CD58: variants seen among roughly 807,000 people sequenced by gnomAD.
The protein encoded by CD58 is lymphocyte function-associated antigen 3.
CD58 carries 14 observed loss-of-function variants against 27.6 expected under a neutral mutation model. The ratio of observed to expected loss-of-function variants is 0.51; its 90% CI spans 0.34 to 0.79. The LOEUF is 0.79. Ranked by LOEUF, CD58 falls within the 30% of genes least tolerant of loss-of-function variation. The probability of loss-of-function intolerance (pLI) is 0.02; values close to 1 mark genes in which losing one functional copy is unlikely to be tolerated. For synonymous variants in CD58, 117 were observed against 103.8 expected (o/e 1.13, Z -0.77); for missense variants, 268 against 301.7 (o/e 0.89, Z 0.83).
chr1:116,540,450 ACT>A (rs913065376), intron 2 of CD58, among the ~76,000 whole-genome samples: 8 of 152,040 alleles, frequency 5.3e-5, no homozygotes, highest in African/African-American at 1.9e-4. Flanking sequence ...CATCTTGCAG[ACT>A]CTTTCTTGGA....
chr1:116,565,147 T>C (rs985456515), intron 1 of CD58, among the ~76,000 whole-genome samples: 1 of 152,238 alleles, frequency 6.6e-6, no homozygotes, highest in Non-Finnish European at 1.5e-5. Context: ...GCCAGAATAA[T>C]TCTTTTAAAC....
Position 116,524,644 on chromosome 1 carries a change from A to G in CD58, c.629-2661T>C, listed in dbSNP as rs1457916008. Among the ~76,000 whole-genome samples, 2 of 152,254 alleles carry G rather than the reference A, an allele frequency of 1.3e-5. No homozygotes were observed. Among genetic ancestry groups the G allele is most frequent in the Non-Finnish European group, 2.9e-5 (2 of 68,044 alleles). On this transcript the variant is annotated intron_variant, in intron 3 of 5. Coordinates refer to ENST00000369489, the MANE Select transcript of CD58 (RefSeq NM_001779.3). The surrounding 1 kb of genome is among the most constrained non-coding windows in gnomAD (Gnocchi z 4.6). ...CCTTTCTTTCATGCCAAACATCCCA[A>G]TATTCAATAACAACAATATAAATAT...
chr1:116,536,113 A>T lies in CD58; in HGVS notation c.480T>A (p.Asp160Glu). ...TACGTTTACATTGCTCCATAGGACA[A>T]TCCCATGAGTACATTATAAGTCCTC... ...SHRGLIMYSW[D>E]CPMEQCKRNS... is the part of the protein sequence containing the mutation. Residue 160 changes from aspartate to glutamate, a missense_variant, in exon 3 of 6, where the codon GAT (aspartate) becomes GAA (glutamate). Coordinates refer to ENST00000369489, the MANE Select transcript of CD58 (RefSeq NM_001779.3). This position sits in a 1 kb window ranked among gnomAD's most constrained non-coding sequence, Gnocchi z 5.4. 6.2e-7 allele frequency: 1 copy of T among 1,613,882 alleles called. No homozygotes were observed. The highest frequency in any genetic ancestry group is 1.7e-5 in the Admixed American group (1 of 60,016).
intron 3 of CD58, among the ~76,000 whole-genome samples, chr1:116,525,578 A>G (rs1466926714): frequency 1.3e-5 from 2 of 152,218 alleles, no homozygotes; most frequent in Non-Finnish European, 2.9e-5. Flanking sequence ...GTTGAATGGT[A>G]AGAGTACATA....
Position 116,514,916 on chromosome 1 carries a change from A to G in CD58, c.744-94T>C, listed in dbSNP as rs370145317. 2.1e-4 allele frequency: 183 copies of G among 851,350 alleles called. 1 individual carries two copies. The highest frequency in any genetic ancestry group is 5.9e-4 in the South Asian group (39 of 65,846). 52.7% of individuals were successfully genotyped at this position (851,350 alleles called of 1,614,324 possible). ...ATTACCCTCCTATTCTAAAGTGAAT[A>G]GCCCTTTTGTAATAAACTCATCAAA... On this transcript the variant is annotated intron_variant, in intron 5 of 5. Transcript: ENST00000369489.
At chr1:116,565,472 C>T (rs1464628380) in intron 1 of CD58, among the ~76,000 whole-genome samples, 2 of 152,122 alleles carry the variant, frequency 1.3e-5, no homozygotes, top group Admixed American at 6.5e-5. Context: ...CCCTCCCTGA[C>T]CACACTATGT....
At position 116,570,755 on chromosome 1, in the gene CD58, C is replaced by T. The variant is rs978578008; in HGVS notation, c.70+148G>A. 1 of 590,858 alleles carries T rather than the reference C, an allele frequency of 1.7e-6. No homozygotes were observed. The highest frequency in any genetic ancestry group is 3.3e-5 in the Admixed American group (1 of 30,378). The allele number at this position is 590,858 out of a possible 1,614,324, so 36.6% of individuals were successfully genotyped here. Reference sequence around the variant, plus strand: ...ACAACTTTCTCTTCCTGAAAAGGCTCCCACGGCTGAGTTGTTCCCGGCCCA... The same window carrying T: ...ACAACTTTCTCTTCCTGAAAAGGCTTCCACGGCTGAGTTGTTCCCGGCCCA... On this transcript the variant is annotated intron_variant, in intron 1 of 5. Coordinates refer to ENST00000369489, the MANE Select transcript of CD58 (RefSeq NM_001779.3). This position sits in a 1 kb window ranked among gnomAD's most constrained non-coding sequence, Gnocchi z 6.4.
chr1:116,514,883 G>C, intron 5 of CD58, 61 bp from the exon 6 acceptor site: 2 of 1,207,112 alleles, frequency 1.7e-6, no homozygotes, highest in African/African-American at 1.5e-5. Flanking sequence ...TGCAGACCAG[G>C]AGTCTTAATT....
rs148153515 is a variant in CD58, at chr1:116,565,877, T to C, written c.70+5026A>G. ...CTGGAATTACAGGCGTGTGCCACCA[T>C]GCCCAGCTAATTTTTTGTTTTAGTA... On this transcript the variant is annotated intron_variant, in intron 1 of 5. Transcript: ENST00000369489. Among the ~76,000 whole-genome samples, 1,046 of 152,152 alleles carry C rather than the reference T, an allele frequency of 6.9e-3. 27 individuals are homozygous for C. The highest frequency in any genetic ancestry group is 0.051 in the Admixed American group (785 of 15,290).
intron 3 of CD58, among the ~76,000 whole-genome samples, chr1:116,535,624 G>A (rs1388165708): frequency 1.0e-5 from 1 of 98,580 alleles, no homozygotes; most frequent in Admixed American, 1.2e-4. Flanking sequence ...GGCGGATCAC[G>A]AGGTCAGGAG....
Position 116,538,071 on chromosome 1 carries a change from C to A in CD58, c.365-1843G>T, listed in dbSNP as rs543337450. Among the ~76,000 whole-genome samples the A allele has an allele frequency of 6.6e-6, 1 of 152,352 alleles. No individual in the cohort carries two copies. The highest frequency in any genetic ancestry group is 1.9e-4 in the East Asian group (1 of 5,186). On this transcript the variant is annotated intron_variant, in intron 2 of 5. Transcript: ENST00000369489. This position sits in a 1 kb window ranked among gnomAD's most constrained non-coding sequence, Gnocchi z 4.7. ...TCGCTCAGTTAAATAAAGTACCCAG[C>A]CTGCCTTGGTAGAAACCAGAGTCAC...
intron 2 of CD58, among the ~76,000 whole-genome samples, chr1:116,543,748 C>T (rs1421701476): frequency 1.3e-5 from 2 of 152,018 alleles, no homozygotes; most frequent in Non-Finnish European, 2.9e-5. Flanking sequence ...CACAGTGAAA[C>T]ACCATCTCTA....
intron 2 of CD58, among the ~76,000 whole-genome samples, chr1:116,539,792 G>A (rs1182658250): frequency 3.9e-5 from 6 of 152,206 alleles, no homozygotes; most frequent in East Asian, 1.9e-4. Context: ...CTTGCTGCCC[G>A]TGGGACTTAC....
chr1:116,547,070 T>TG, intron 1 of CD58, among the ~76,000 whole-genome samples: 1 of 151,802 alleles, frequency 6.6e-6, no homozygotes, highest in South Asian at 2.1e-4. Context: ...GGATAAGTTT[T>TG]TTTTTTTTTT....
chr1:116,564,466 T>C (rs1222995161), intron 1 of CD58, among the ~76,000 whole-genome samples: 1 of 152,172 alleles, frequency 6.6e-6, no homozygotes, highest in Non-Finnish European at 1.5e-5. Context: ...TCCATTCTCA[T>C]GCTGCTAATA....
Position 116,536,524 on chromosome 1 carries a change from G to A in CD58, c.365-296C>T, listed in dbSNP as rs1657814214. Among the ~76,000 whole-genome samples, 1 of 152,130 alleles carries A rather than the reference G, an allele frequency of 6.6e-6. No homozygotes were observed. The highest frequency in any genetic ancestry group is 6.5e-5 in the Admixed American group (1 of 15,286). ...ACCTGGTGGGAGGTGATTGTACCAT[G>A]GGGGATGGTTTCCCCATGCTATTCT... On this transcript the variant is annotated intron_variant, in intron 2 of 5. Transcript: ENST00000369489. This position sits in a 1 kb window ranked among gnomAD's most constrained non-coding sequence, Gnocchi z 5.4.
chr1:116,554,271 T>C (rs900621062), intron 1 of CD58, among the ~76,000 whole-genome samples: 4 of 152,194 alleles, frequency 2.6e-5, no homozygotes, highest in Non-Finnish European at 5.9e-5. Flanking sequence ...TGGCTTACTA[T>C]GTGGTTATTT....
rs182292098 is a variant in CD58 at position 116,557,271 on chromosome 1, C to T, written c.71-12667G>A. ...GAACCTGGCTGAAGAAGGAGGACTT[C>T]GTAAGGAGAGATGGAGAAAGAAGTT... On this transcript the variant is annotated intron_variant, in intron 1 of 5. Transcript: ENST00000369489. The surrounding 1 kb of genome is among the most constrained non-coding windows in gnomAD (Gnocchi z 5.2). 1.4e-3 allele frequency among the ~76,000 whole-genome samples: 208 copies of T among 152,248 alleles called. 2 individuals carry two copies. Among genetic ancestry groups the T allele is most frequent in the East Asian group, 0.013 (69 of 5,184 alleles).
At position 116,538,797 on chromosome 1, in the gene CD58, G is replaced by A. The variant is rs570852464; in HGVS notation, c.365-2569C>T. ...AACCACAGCACATGACATAATGCAA[G>A]GCACACAGATGGCTCCTCACAAGCA... On this transcript the variant is annotated intron_variant, in intron 2 of 5. Coordinates refer to ENST00000369489, the MANE Select transcript of CD58 (RefSeq NM_001779.3). This position sits in a 1 kb window ranked among gnomAD's most constrained non-coding sequence, Gnocchi z 4.7. Among the ~76,000 whole-genome samples the A allele has an allele frequency of 6.6e-6, 1 of 152,280 alleles. No homozygotes were observed. Among genetic ancestry groups the A allele is most frequent in the African/African-American group, 2.4e-5 (1 of 41,552 alleles).
Sources: gnomAD v4.1 joint callset for allele counts (sites outside exome capture counted in the v4.1 genomes callset) on GRCh38, gnomAD v4.1.1 for gene constraint, Gnocchi (gnomAD v3.1) non-coding constraint, MANE v1.5 for transcripts, NCBI Gene and HGNC (gene_info 2026-07-23, HGNC 2026-07-21) for gene names.